Variants in NASP observed in about 807,000 individuals in gnomAD.
NASP encodes the protein NASP histone chaperone.
Under a neutral mutation model 89.5 loss-of-function variants are expected in NASP, and 24 were observed. The ratio of observed to expected loss-of-function variants is 0.27; its 90% CI spans 0.19 to 0.38. The LOEUF (loss-of-function observed/expected upper bound fraction) is 0.38, where lower values mean the gene tolerates loss of function less well. Among genes scored for constraint, NASP ranks in the 10% least tolerant of loss-of-function variants. The pLI is 1.00. For missense variants in NASP, 848 were observed against 921.4 expected (o/e 0.92, Z 1.03); for synonymous variants, 306 against 324.7 (o/e 0.94, Z 0.62).
chr1:45,606,584 C>T lies in NASP; in HGVS notation c.402C>T (p.Asn134=). 6.3e-7 allele frequency: 1 copy of T among 1,591,456 alleles called. No homozygotes were observed. Among genetic ancestry groups the T allele is most frequent in the Non-Finnish European group, 8.6e-7 (1 of 1,159,526 alleles). ...AATCTCTGGTAGAAAATAATGATAA[C>T]ATAGATGGTATGTGGAGTTGCATGT... is the stretch of plus-strand genomic sequence containing the variant. ...EDESLVENND[N]IDEEAREELR... is the part of the protein sequence containing the mutation. Residue 134 remains asparagine (N), a synonymous_variant, in exon 5 of 15, where the codon AAC becomes AAT. Transcript: ENST00000350030.
rs770212233 is a variant in NASP, at chr1:45,616,612, G to T, written c.2080-14G>T. The T allele has an allele frequency of 4.0e-5, 64 of 1,612,238 alleles. No homozygotes were observed. In the Middle Eastern group the frequency reaches 4.9e-4, roughly 12 times the overall value. ...ATAGCTTGTACAATTGCTAATAAGG[G>T]CTTATTTTGCCAGATTGCCAGTAGA... On this transcript the variant is annotated splice_polypyrimidine_tract_variant and intron_variant, in intron 12 of 14. Coordinates refer to ENST00000350030, the MANE Select transcript of NASP (RefSeq NM_002482.4).
chr1:45,613,946 A>C (rs1644060065), intron 7 of NASP, 150 bp from the exon 8 acceptor site: 1 of 621,524 alleles, frequency 1.6e-6, no homozygotes, highest in Non-Finnish European at 2.8e-6. Flanking sequence ...GTCATGACTT[A>C]AGACAGTATG....
intron 3 of NASP, among the ~76,000 whole-genome samples, chr1:45,604,542 C>A (rs1044806228): frequency 2.6e-5 from 4 of 152,150 alleles, no homozygotes; most frequent in Admixed American, 6.6e-5. Flanking sequence ...TAGAAGAACT[C>A]CAGATATTCT....
At chr1:45,587,919 A>G (rs1376438100) in intron 1 of NASP, among the ~76,000 whole-genome samples, 1 of 149,050 alleles carries the variant, frequency 6.7e-6, no homozygotes, top group Non-Finnish European at 1.5e-5. Context: ...GTGCCACTGC[A>G]CTCTAGCCTC....
At chr1:45,616,499 C>A in intron 12 of NASP, 106 bp downstream of exon 12, 1 of 1,502,374 alleles carries the variant, frequency 6.7e-7, no homozygotes, top group Non-Finnish European at 9.2e-7. Flanking sequence ...TTGCCTGAGG[C>A]TTGGAATTCA....
Position 45,586,920 on chromosome 1 carries a change from A to C in NASP, c.59+2715A>C, listed in dbSNP as rs140159744. Among the ~76,000 whole-genome samples, 4 of 151,964 alleles carry C rather than the reference A, an allele frequency of 2.6e-5. No homozygotes were observed. The East Asian group carries it at 5.8e-4, about 22-fold the overall frequency. ...CTATGTTGCCCAGGCTGGATTCCCA[A>C]CTCCTAGTCTCAAGCAATCCTTCCA... On this transcript the variant is annotated intron_variant, in intron 1 of 14. Transcript: ENST00000350030.
chr1:45,588,603 G>A, intron 1 of NASP: 3 of 451,626 alleles, frequency 6.6e-6, no homozygotes, highest in South Asian at 1.6e-5. Flanking sequence ...TTGACTATTC[G>A]ATGGGTAAAA....
Position 45,607,809 on chromosome 1 carries a change from T to C in NASP, c.898T>C (p.Leu300=). 3 of 1,614,054 alleles carry C rather than the reference T, an allele frequency of 1.9e-6. No homozygotes were observed. Among genetic ancestry groups the C allele is most frequent in the Admixed American group, 1.7e-5 (1 of 60,010 alleles). Reference sequence around the variant, plus strand: ...TGCAGTGGAGGTAGAAGCAGAGTCTTTAGACCCGACAGTCAAGCCAGTGGA... The same window carrying C: ...TGCAGTGGAGGTAGAAGCAGAGTCTCTAGACCCGACAGTCAAGCCAGTGGA... ...GTAVEVEAES[L]DPTVKPVDVG... Residue 300 remains leucine (L), a synonymous_variant, in exon 6 of 15, where the codon TTA becomes CTA. Coordinates refer to ENST00000350030, the MANE Select transcript of NASP (RefSeq NM_002482.4).
At chr1:45,594,616 C>T in intron 2 of NASP, 1 of 410,608 alleles carries the variant, frequency 2.4e-6, no homozygotes, top group Non-Finnish European at 5.0e-6. Context: ...AGGTGATCCT[C>T]CTGCCTTAGA....
chr1:45,615,598 C>T, intron 11 of NASP, 127 bp downstream of exon 11: 2 of 868,062 alleles, frequency 2.3e-6, no homozygotes, highest in South Asian at 1.8e-5. Context: ...TTATTCCTAT[C>T]AAGTAATGCA....
intron 4 of NASP, among the ~76,000 whole-genome samples, chr1:45,605,493 C>G (rs1013752379): frequency 2.6e-5 from 4 of 151,324 alleles, no homozygotes; most frequent in African/African-American, 9.7e-5. Flanking sequence ...GATGGAGTCT[C>G]AGTCTGTCAC....
chr1:45,590,110 T>C (rs970205939), intron 1 of NASP, among the ~76,000 whole-genome samples: 5 of 152,176 alleles, frequency 3.3e-5, no homozygotes, highest in African/African-American at 7.2e-5. Context: ...CAAACTGTTA[T>C]AACCGTTCCT....
intron 1 of NASP, among the ~76,000 whole-genome samples, chr1:45,586,611 T>C (rs1570941856): frequency 6.6e-6 from 1 of 152,148 alleles, no homozygotes; most frequent in East Asian, 1.9e-4. Flanking sequence ...TTCATTTTCA[T>C]TCTTCGTTTC....
At position 45,606,936 on chromosome 1, in the gene NASP, T is replaced by G. The variant is rs185235570; in HGVS notation, c.409+345T>G. ...TTAAACAGCCTGTGCAGTTCAGTTATTTTAATAGCAGTACTTTTAGAGCCC... is the reference window on the plus strand; with the variant it reads ...TTAAACAGCCTGTGCAGTTCAGTTAGTTTAATAGCAGTACTTTTAGAGCCC... On this transcript the variant is annotated intron_variant, in intron 5 of 14. Transcript: ENST00000350030. Among the ~76,000 whole-genome samples the G allele has an allele frequency of 1.2e-4, 18 of 152,282 alleles. No homozygotes were observed. The East Asian group carries it at 3.3e-3, about 28-fold the overall frequency.
rs780200448 is a variant in NASP at position 45,606,594 on chromosome 1, A to ATGTG, written c.409+4_409+7dup. 14 of 1,569,326 alleles carry ATGTG rather than the reference A, an allele frequency of 8.9e-6. No individual in the cohort carries two copies. Among genetic ancestry groups the ATGTG allele is most frequent in the Non-Finnish European group, 1.1e-5 (13 of 1,139,282 alleles). Reference sequence around the variant, plus strand: ...AGAAAATAATGATAACATAGATGGTATGTGGAGTTGCATGTGACATTCAAG... The same window carrying ATGTG: ...AGAAAATAATGATAACATAGATGGTATGTGTGTGGAGTTGCATGTGACATTCAAG... On this transcript the variant is annotated splice_donor_region_variant and intron_variant, in intron 5 of 14. Coordinates refer to ENST00000350030, the MANE Select transcript of NASP (RefSeq NM_002482.4).
Position 45,608,224 on chromosome 1 carries a change from G to C in NASP, c.1313G>C (p.Gly438Ala). Residue 438 changes from glycine to alanine, a missense_variant, in exon 6 of 15, where the codon GGG becomes GCG. Coordinates refer to ENST00000350030, the MANE Select transcript of NASP (RefSeq NM_002482.4). ...SVEESEAAGD[G>A]VDTKVAQGAT... Reference sequence around the variant, plus strand: ...GAAGAGTCTGAGGCAGCTGGAGATGGGGTTGATACCAAGGTAGCCCAGGGA... The same window carrying C: ...GAAGAGTCTGAGGCAGCTGGAGATGCGGTTGATACCAAGGTAGCCCAGGGA... 6.2e-7 allele frequency: 1 copy of C among 1,614,186 alleles called. No homozygotes were observed. The highest frequency in any genetic ancestry group is 1.7e-5 in the Admixed American group (1 of 60,026).
chr1:45,601,117 T>A (rs1270297697), intron 2 of NASP, among the ~76,000 whole-genome samples: 1 of 152,202 alleles, frequency 6.6e-6, no homozygotes, highest in South Asian at 2.1e-4. Flanking sequence ...TGGGCCTGCC[T>A]TTTTTGTTTT....
Position 45,602,314 on chromosome 1 carries a change from T to A in NASP, c.167T>A (p.Met56Lys). The A allele has an allele frequency of 6.2e-7, 1 of 1,613,722 alleles. No individual in the cohort carries two copies. The highest frequency in any genetic ancestry group is 8.5e-7 in the Non-Finnish European group (1 of 1,179,748). The change falls in exon 3 of 15, where the codon ATG (methionine) becomes AAG (lysine). Residue 56 changes from methionine to lysine, a missense_variant. Transcript: ENST00000350030. The part of the protein sequence containing the change: ...LLGLGQKHLV[M>K]GDIPAAVNAF... ...GGTTTAGGACAGAAACATCTGGTGATGGGGGATATTCCAGCAGCTGTCAAT... is the reference window on the plus strand; with the variant it reads ...GGTTTAGGACAGAAACATCTGGTGAAGGGGGATATTCCAGCAGCTGTCAAT...
intron 2 of NASP, among the ~76,000 whole-genome samples, chr1:45,596,276 TGTAA>T (rs1408731752): frequency 1.3e-5 from 2 of 152,216 alleles, no homozygotes; most frequent in African/African-American, 4.8e-5. Context: ...TTTTTAAGCG[TGTAA>T]GTCAGTAGTG....
Sources: gnomAD v4.1 joint callset for allele counts (sites outside exome capture counted in the v4.1 genomes callset) on GRCh38, gnomAD v4.1.1 for gene constraint, MANE v1.5 for transcripts, NCBI Gene and HGNC (gene_info 2026-07-23, HGNC 2026-07-21) for gene names.